SOCS5: variants seen among roughly 807,000 people sequenced by gnomAD.
SOCS5 encodes suppressor of cytokine signaling 5.
SOCS5 carries 32 observed loss-of-function variants against 42.8 expected under a neutral mutation model. That is an observed-to-expected ratio of 0.75 (90% confidence interval 0.56 to 1.01). The LOEUF (loss-of-function observed/expected upper bound fraction) is 1.01, where lower values mean the gene tolerates loss of function less well. SOCS5 is among the 50% of genes least tolerant of loss of function. The pLI is 0.00. For synonymous variants in SOCS5, 283 were observed against 229.6 expected, an observed-to-expected ratio of 1.23 and a Z score of -2.10; for missense variants, 627 against 653.0, an observed-to-expected ratio of 0.96 and a Z score of 0.43.
At chr2:46,734,815 A>AG (rs1673207591) in intron 1 of SOCS5, among the ~76,000 whole-genome samples, 1 of 152,206 alleles carries the variant, frequency 6.6e-6, no homozygotes, top group African/African-American at 2.4e-5. Flanking sequence ...CAGGAATAAA[A>AG]GCACCTTTTA....
chr2:46,734,244 G>T (rs1024610123), intron 1 of SOCS5, among the ~76,000 whole-genome samples: 6 of 152,062 alleles, frequency 3.9e-5, no homozygotes, highest in Non-Finnish European at 7.4e-5. Flanking sequence ...AGTCATTGCA[G>T]AAAATGAATG....
In SOCS5 at chr2:46,744,228, G is replaced by C. The variant is rs148440264; in HGVS notation, c.-12-14291G>C. 3.0e-3 allele frequency among the ~76,000 whole-genome samples: 451 copies of C among 152,262 alleles called. 2 individuals are homozygous for C. The highest frequency in any genetic ancestry group is 0.011 in the African/African-American group (440 of 41,558). ...AGATTGTGAACTCTTGACCTCAAGT[G>C]ATCCGCCTGCCTCGGCCTCCCAAAG... is the stretch of plus-strand genomic sequence containing the variant. On this transcript the variant is annotated intron_variant, in intron 1 of 1. Coordinates refer to ENST00000394861, the MANE Select transcript of SOCS5 (RefSeq NM_144949.3).
At chr2:46,717,171 C>T (rs866796876) in intron 1 of SOCS5, among the ~76,000 whole-genome samples, 6 of 152,110 alleles carry the variant, frequency 3.9e-5, no homozygotes, top group Admixed American at 2.6e-4. Flanking sequence ...CTTTGTGGTT[C>T]GATGCCCTGC....
chr2:46,728,818 A>G (rs141960154), intron 1 of SOCS5, among the ~76,000 whole-genome samples: 2 of 152,106 alleles, frequency 1.3e-5, no homozygotes, highest in Non-Finnish European at 2.9e-5. Context: ...TGGCCTCCCA[A>G]AGTGCTGGGA....
intron 1 of SOCS5, among the ~76,000 whole-genome samples, chr2:46,739,925 G>GT (rs1299921165): frequency 6.6e-6 from 1 of 152,136 alleles, no homozygotes; most frequent in East Asian, 1.9e-4. Flanking sequence ...GCTGTGACCA[G>GT]TTTAGGAAAT....
chr2:46,723,585 A>G (rs1411948113), intron 1 of SOCS5, among the ~76,000 whole-genome samples: 3 of 152,008 alleles, frequency 2.0e-5, no homozygotes, highest in Non-Finnish European at 2.9e-5. Flanking sequence ...TCAGAAATCA[A>G]TTGGTCACAT....
At chr2:46,746,689 A>T (rs1343352647) in intron 1 of SOCS5, among the ~76,000 whole-genome samples, 1 of 151,078 alleles carries the variant, frequency 6.6e-6, no homozygotes, top group Non-Finnish European at 1.5e-5. Context: ...CTTTAAGGTT[A>T]TATATTTTTG....
chr2:46,701,074 T>C (rs1475828797), intron 1 of SOCS5, among the ~76,000 whole-genome samples: 1 of 152,238 alleles, frequency 6.6e-6, no homozygotes, highest in African/African-American at 2.4e-5. Flanking sequence ...TTTCTCCTTA[T>C]TGTCCTTGAA....
intron 1 of SOCS5, among the ~76,000 whole-genome samples, chr2:46,705,065 A>T (rs1386822143): frequency 6.6e-6 from 1 of 152,178 alleles, no homozygotes; most frequent in African/African-American, 2.4e-5. Context: ...CCTTGCTGTA[A>T]TTGTCACTAT....
At chr2:46,706,248 A>C (rs1672460579) in intron 1 of SOCS5, among the ~76,000 whole-genome samples, 1 of 152,220 alleles carries the variant, frequency 6.6e-6, no homozygotes, top group African/African-American at 2.4e-5. Flanking sequence ...AGCAAGTTTG[A>C]CACGGGAAGG....
At chr2:46,720,688 A>G (rs1235615287) in intron 1 of SOCS5, among the ~76,000 whole-genome samples, 1 of 152,198 alleles carries the variant, frequency 6.6e-6, no homozygotes, top group Non-Finnish European at 1.5e-5. Context: ...GATCTGGTCC[A>G]ATTCCCTGTT....
At chr2:46,755,857 T>C (rs72882817) in intron 1 of SOCS5, among the ~76,000 whole-genome samples, 2,385 of 152,336 alleles carry the variant, frequency 0.016, 58 homozygotes, top group African/African-American at 0.054. Context: ...CTGATTGTTA[T>C]GTCGACTAGT....
intron 1 of SOCS5, among the ~76,000 whole-genome samples, chr2:46,712,564 G>C (rs560060487): frequency 1.3e-5 from 2 of 151,982 alleles, no homozygotes; most frequent in Admixed American, 1.3e-4. Context: ...GGCTGGTCTC[G>C]AATTCCTGAC....
At chr2:46,713,513 C>T (rs1448113209) in intron 1 of SOCS5, among the ~76,000 whole-genome samples, 1 of 152,040 alleles carries the variant, frequency 6.6e-6, no homozygotes, top group Admixed American at 6.6e-5. Context: ...TCTATTCCTT[C>T]TTTTATTCTT....
intron 1 of SOCS5, among the ~76,000 whole-genome samples, chr2:46,715,126 T>C (rs1332042579): frequency 6.6e-6 from 1 of 152,106 alleles, no homozygotes; most frequent in Non-Finnish European, 1.5e-5. Context: ...CCCAGCACTT[T>C]GGGAGGCTGA....
In SOCS5 at chr2:46,758,605, C is replaced by T; in HGVS notation, c.75C>T (p.Ser25=). 3.1e-6 allele frequency: 5 copies of T among 1,613,560 alleles called. No individual in the cohort carries two copies. Among genetic ancestry groups the T allele is most frequent in the South Asian group, 1.1e-5 (1 of 91,046 alleles). ...CQNLFGHEGG[S]RSENVDMNSN... is the part of the protein sequence containing the mutation. ...ATCTCTTCGGTCATGAGGGAGGAAG[C>T]CGTAGTGAAAATGTGGACATGAACT... is the stretch of plus-strand genomic sequence containing the variant. Residue 25 remains serine (S), a synonymous_variant, in exon 2 of 2, where the codon AGC becomes AGT. Coordinates refer to ENST00000394861, the MANE Select transcript of SOCS5 (RefSeq NM_144949.3).
chr2:46,743,987 A>T (rs72802461), intron 1 of SOCS5, among the ~76,000 whole-genome samples: 17,395 of 117,086 alleles, frequency 0.15, 1,121 homozygotes, highest in Middle Eastern at 0.19. Context: ...CTTTTATACT[A>T]TTTTCTTTCT....
intron 1 of SOCS5, among the ~76,000 whole-genome samples, chr2:46,749,935 G>A (rs1673588389): frequency 6.6e-6 from 1 of 152,156 alleles, no homozygotes; most frequent in South Asian, 2.1e-4. Context: ...AGCTAAAGAT[G>A]CTAGATAATA....
At position 46,758,675 on chromosome 2, in the gene SOCS5, GACTCA is replaced by G; in HGVS notation, c.150_154del (p.Thr51SerfsTer39). ...CAAAGAGAAAAACATCAGCATAGGAGACTCAACTCCTCAGCAACAAAGCAGTCCCT... is the reference window on the plus strand; with the variant it reads ...CAAAGAGAAAAACATCAGCATAGGAGACTCCTCAGCAACAAAGCAGTCCCT... On this transcript the variant is annotated frameshift_variant, in exon 2 of 2. Transcript: ENST00000394861. LOFTEE classifies it high-confidence loss of function. 1 of 1,614,158 alleles carries G rather than the reference GACTCA, an allele frequency of 6.2e-7. No individual in the cohort carries two copies. Among genetic ancestry groups the G allele is most frequent in the Non-Finnish European group, 8.5e-7 (1 of 1,180,026 alleles).
Sources: gnomAD v4.1 joint callset for allele counts (sites outside exome capture counted in the v4.1 genomes callset) on GRCh38, gnomAD v4.1.1 for gene constraint, MANE v1.5 for transcripts, NCBI Gene and HGNC (gene_info 2026-07-23, HGNC 2026-07-21) for gene names.